The following SCO1 variants were observed in gnomAD, a reference collection of about 807,000 sequenced individuals.
The protein encoded by SCO1 is synthesis of cytochrome C oxidase 1, also known as cytochrome c oxidase assembly factor SCO1.
A neutral mutation model predicts 34.0 loss-of-function variants in SCO1; 23 were observed. That is an observed-to-expected ratio of 0.68 (90% CI 0.49 to 0.96). The LOEUF is 0.96. Ranked by LOEUF, SCO1 falls within the 40% of genes least tolerant of loss-of-function variation. The pLI is 0.00. For synonymous variants in SCO1, 161 were observed against 145.5 expected, an observed-to-expected ratio of 1.11 and a Z score of -0.77; for missense variants, 404 against 381.6, an observed-to-expected ratio of 1.06 and a Z score of -0.49.
At chr17:10,692,283 T>C (rs1482481233) in intron 3 of SCO1, among the ~76,000 whole-genome samples, 1 of 152,210 alleles carries the variant, frequency 6.6e-6, no homozygotes, top group Non-Finnish European at 1.5e-5. Context: ...CTGAATCCAC[T>C]CCAGTATCTG....
intron 5 of SCO1, among the ~76,000 whole-genome samples, chr17:10,685,359 G>A (rs1597506815): frequency 6.6e-6 from 1 of 152,210 alleles, no homozygotes; most frequent in East Asian, 1.9e-4. Flanking sequence ...AAAATACAAC[G>A]CCGACTCTTC....
Position 10,681,155 on chromosome 17 carries a change from AATTGAAGCAGCT to A in SCO1, c.858_869del (p.Ala288_Ala291del). 1 of 1,614,202 alleles carries A rather than the reference AATTGAAGCAGCT, an allele frequency of 6.2e-7. No homozygotes were observed. The highest frequency in any genetic ancestry group is 8.5e-7 in the Non-Finnish European group (1 of 1,180,032). On this transcript the variant is annotated inframe_deletion, in exon 6 of 6. Transcript: ENST00000255390. ...TTCTGTATGGCCTCATGTGTGTGGC[AATTGAAGCAGCT>A]ATTTCTCCCTTCCTCTTGTTCTGGC...
At chr17:10,685,762 C>G (rs1338056536) in intron 5 of SCO1, among the ~76,000 whole-genome samples, 1 of 152,206 alleles carries the variant, frequency 6.6e-6, no homozygotes, top group Non-Finnish European at 1.5e-5. Context: ...TGAGAACCAA[C>G]ACAATCTTTT....
intron 2 of SCO1, 40 bp downstream of exon 2, chr17:10,695,701 A>G: frequency 7.3e-7 from 1 of 1,368,410 alleles, no homozygotes; most frequent in Non-Finnish European, 1.0e-6. Context: ...ATAGCCAGGA[A>G]GACCTTTATA....
chr17:10,690,902 G>C (rs887818497), intron 4 of SCO1, among the ~76,000 whole-genome samples: 6 of 152,178 alleles, frequency 3.9e-5, no homozygotes, highest in African/African-American at 1.4e-4. Flanking sequence ...GATGAGCCTG[G>C]AGGATACTAT....
chr17:10,685,931 T>C (rs760796357), intron 5 of SCO1, among the ~76,000 whole-genome samples: 7 of 152,180 alleles, frequency 4.6e-5, no homozygotes, highest in Non-Finnish European at 8.8e-5. Flanking sequence ...AATCATCTTT[T>C]AAAAAACTGC....
chr17:10,683,871 T>C (rs1448903964), intron 5 of SCO1: 2 of 152,142 alleles, frequency 1.3e-5, no homozygotes, highest in Non-Finnish European at 1.5e-5. Context: ...CGTTTGGGAT[T>C]AAGAAAACTT....
Position 10,697,421 on chromosome 17 carries a change from A to C in SCO1, c.87T>G (p.Phe29Leu). ...TCGCAGTCCCCTCGGCTGGGCCCCA[A>C]AACTCGAGTCCGCGAGGCAAGAAGC... ...LWRFLPRGLE[F>L]WGPAEGTARV... The change falls in exon 1 of 6, where the codon TTT (phenylalanine) becomes TTG (leucine). Residue 29 changes from phenylalanine (F) to leucine (L), a missense_variant. Coordinates refer to ENST00000255390, the MANE Select transcript of SCO1 (RefSeq NM_004589.4). The C allele has an allele frequency of 1.9e-6, 3 of 1,610,978 alleles. 1 individual carries two copies. The South Asian group carries it at 3.3e-5, about 18-fold the overall frequency.
chr17:10,695,868 T>G, intron 1 of SCO1, 37 bp from the exon 2 acceptor site: 1 of 1,456,304 alleles, frequency 6.9e-7, no homozygotes, highest in Non-Finnish European at 9.6e-7. Context: ...AAAATTCTAG[T>G]AAGATGCAAA....
intron 4 of SCO1, among the ~76,000 whole-genome samples, chr17:10,689,094 C>T (rs1428704631): frequency 2.8e-5 from 3 of 108,358 alleles, no homozygotes; most frequent in South Asian, 5.4e-4. Context: ...CCAGCCTGGG[C>T]GACAGAGCGA....
intron 5 of SCO1, among the ~76,000 whole-genome samples, chr17:10,686,138 A>C (rs1272842771): frequency 6.6e-6 from 1 of 152,186 alleles, no homozygotes; most frequent in Admixed American, 6.5e-5. Flanking sequence ...GCTACGCGAG[A>C]GGCTGAGGGA....
Position 10,680,961 on chromosome 17 carries a change from G to GC in SCO1, c.*157dup, listed in dbSNP as rs2074617729. ...TTCCAAGAATCAATTTTGGTTGAAC[G>GC]CAAGGGTAACATCCCCATCCAAAAC... On this transcript the variant is annotated 3_prime_UTR_variant, in exon 6 of 6. Coordinates refer to ENST00000255390, the MANE Select transcript of SCO1 (RefSeq NM_004589.4). 1.1e-6 allele frequency: 1 copy of GC among 888,834 alleles called. No homozygotes were observed. Among genetic ancestry groups the GC allele is most frequent in the Admixed American group, 2.0e-5 (1 of 49,094 alleles). The allele number at this position is 888,834 out of a possible 1,614,324, so 55.1% of individuals were successfully genotyped here.
At chr17:10,696,287 A>G (rs1362225720) in intron 1 of SCO1, among the ~76,000 whole-genome samples, 4 of 151,870 alleles carry the variant, frequency 2.6e-5, no homozygotes, top group African/African-American at 9.7e-5. Flanking sequence ...TCCACTGAAA[A>G]TACAAAAATT....
chr17:10,686,734 T>G lies in SCO1; in HGVS notation c.764A>C (p.Asp255Ala). The G allele has an allele frequency of 1.3e-6, 2 of 1,597,426 alleles. No homozygotes were observed. Among genetic ancestry groups the G allele is most frequent in the Non-Finnish European group, 8.6e-7 (1 of 1,164,778 alleles). Reference sequence around the variant, plus strand: ...ACTGGAACATTTACTCACTATGTAGTCTTCATCTTCGTCCTTGGGGCCAGG... The same window carrying G: ...ACTGGAACATTTACTCACTATGTAGGCTTCATCTTCGTCCTTGGGGCCAGG... ...YSPGPKDEDE[D>A]YIVDHTIIMY... Residue 255 changes from aspartate (D) to alanine (A), a missense_variant, in exon 5 of 6, where the codon GAC (aspartate) becomes GCC (alanine). Transcript: ENST00000255390.
intron 5 of SCO1, among the ~76,000 whole-genome samples, chr17:10,683,566 C>T (rs148645476): frequency 2.3e-4 from 35 of 152,078 alleles, no homozygotes; most frequent in East Asian, 1.5e-3. Flanking sequence ...TTTCCAATTT[C>T]GACAATATAT....
rs1440279731 is a variant in SCO1, at chr17:10,673,060, G to A, written c.*8059C>T. ...TGCCCTGTTGCCAGGCTGGAGTGCAGTGGCATGACCTCAGCTCAGTGCAAT... is the reference window on the plus strand; with the variant it reads ...TGCCCTGTTGCCAGGCTGGAGTGCAATGGCATGACCTCAGCTCAGTGCAAT... On this transcript the variant is annotated 3_prime_UTR_variant, in exon 6 of 6. Transcript: ENST00000255390. The A allele has an allele frequency of 6.7e-6, 1 of 149,434 alleles. No homozygotes were observed. Among genetic ancestry groups the A allele is most frequent in the Non-Finnish European group, 1.5e-5 (1 of 67,720 alleles). The allele number at this position is 149,434 out of a possible 1,614,324, so 9.3% of individuals were successfully genotyped here. A position where few individuals can be genotyped will look rare whatever the true frequency, so the allele number is the denominator to read the frequency against.
intron 5 of SCO1, among the ~76,000 whole-genome samples, chr17:10,682,027 A>G (rs1259467958): frequency 1.3e-5 from 2 of 152,128 alleles, no homozygotes; most frequent in Admixed American, 1.3e-4. Context: ...AGTCATCGTA[A>G]ACTCAGCATC....
chr17:10,697,098 C>T lies in SCO1; in HGVS notation c.273+137G>A. 4 of 820,878 alleles carry T rather than the reference C, an allele frequency of 4.9e-6. No individual in the cohort carries two copies. In the South Asian group the frequency reaches 5.6e-5, roughly 12 times the overall value. 50.8% of individuals were successfully genotyped at this position (820,878 alleles called of 1,614,324 possible). On this transcript the variant is annotated intron_variant, in intron 1 of 5. Transcript: ENST00000255390. Reference sequence around the variant, plus strand: ...GGAAATGTAGGATGAAATTCCATGACCCAGGTAAGGCGCGCAAGCTAAGGA... The same window carrying T: ...GGAAATGTAGGATGAAATTCCATGATCCAGGTAAGGCGCGCAAGCTAAGGA...
In SCO1 at chr17:10,680,829, G is replaced by A. The variant is rs940931096; in HGVS notation, c.*290C>T. On this transcript the variant is annotated 3_prime_UTR_variant, in exon 6 of 6. Coordinates refer to ENST00000255390, the MANE Select transcript of SCO1 (RefSeq NM_004589.4). ...GGCAGGAATGCACTGGCTGTGCCTC[G>A]CCCCGCCATGTCCTTCCACAGGTGG... 1.3e-5 allele frequency: 6 copies of A among 472,112 alleles called. No homozygotes were observed. The highest frequency in any genetic ancestry group is 6.7e-5 in the Admixed American group (2 of 29,822). The allele number at this position is 472,112 out of a possible 1,614,324, so 29.2% of individuals were successfully genotyped here.
Sources: gnomAD v4.1 joint callset for allele counts (sites outside exome capture counted in the v4.1 genomes callset) on GRCh38, gnomAD v4.1.1 for gene constraint, MANE v1.5 for transcripts, NCBI Gene and HGNC (gene_info 2026-07-23, HGNC 2026-07-21) for gene names.